The following RYR3 variants were observed in gnomAD, a reference collection of about 807,000 sequenced individuals.
RYR3 encodes brain ryanodine receptor-calcium release channel.
Under a neutral mutation model 584.3 loss-of-function variants are expected in RYR3, and 207 were observed. The ratio of observed to expected loss-of-function variants is 0.35; its 90% confidence interval spans 0.32 to 0.40. The LOEUF (loss-of-function observed/expected upper bound fraction) is 0.40. Among genes scored for constraint, RYR3 ranks in the 10% least tolerant of loss-of-function variants. The pLI is 1.00. For missense variants in RYR3, 5,616 were observed against 6,089.2 expected (o/e 0.92, Z 2.59); for synonymous variants, 2,416 against 2,248.5 (o/e 1.07, Z -2.11).
rs8039814 is a variant in RYR3, at chr15:33,574,264, G to A, written c.1269-5712G>A. 4.0e-3 allele frequency among the ~76,000 whole-genome samples: 613 copies of A among 152,168 alleles called. 4 individuals are homozygous for A. Among genetic ancestry groups the A allele is most frequent in the African/African-American group, 0.014 (571 of 41,512 alleles). The stretch of plus-strand genomic sequence containing the variant: ...TAAAGAATTATTCTTGACCACCCTC[G>A]GTGTTTCTAGTAAAATGAAAGTGTT... On this transcript the variant is annotated intron_variant, in intron 12 of 103. Coordinates refer to ENST00000634891, the MANE Select transcript of RYR3 (RefSeq NM_001036.6).
rs1490642592 is a variant in RYR3 at position 33,425,664 on chromosome 15, T to C, written c.52-47755T>C. On this transcript the variant is annotated intron_variant, in intron 1 of 103. Coordinates refer to ENST00000634891, the MANE Select transcript of RYR3 (RefSeq NM_001036.6). Reference sequence around the variant, plus strand: ...TTTTTTTTTTTTTTTTTTTTTGAGATGGAGTCTCGCTCTGTGGCCCAGGCT... The same window carrying C: ...TTTTTTTTTTTTTTTTTTTTTGAGACGGAGTCTCGCTCTGTGGCCCAGGCT... 1.1e-4 allele frequency among the ~76,000 whole-genome samples: 14 copies of C among 124,360 alleles called. No individual in the cohort carries two copies. In the East Asian group the frequency reaches 2.6e-3, roughly 23 times the overall value. The allele number at this position is 124,360 out of a possible 152,430, so 81.6% of individuals were successfully genotyped here.
In RYR3 at chr15:33,742,374, T is replaced by G; in HGVS notation, c.7829T>G (p.Leu2610Trp). The G allele has an allele frequency of 6.2e-7, 1 of 1,611,562 alleles. No homozygotes were observed. The highest frequency in any genetic ancestry group is 8.5e-7 in the Non-Finnish European group (1 of 1,177,684). ...PKPINTMNFS[L>W]PEKLEYIVTK... ...TTTTCCTCATTTCACAGTTTTTCCTTGCCTGAAAAATTGGAATACATCGTC... is the reference window on the plus strand; with the variant it reads ...TTTTCCTCATTTCACAGTTTTTCCTGGCCTGAAAAATTGGAATACATCGTC... Residue 2610 changes from leucine to tryptophan, a missense_variant, in exon 52 of 104, where the codon TTG (leucine) becomes TGG (tryptophan). Around this residue, in one of 9 missense-constraint regions of RYR3, gnomAD observed 1,280 missense variants for 1,426.2 expected, o/e 0.90. Coordinates refer to ENST00000634891, the MANE Select transcript of RYR3 (RefSeq NM_001036.6).
chr15:33,852,341 C>G (rs895358530), intron 94 of RYR3: 1 of 152,058 alleles, frequency 6.6e-6, no homozygotes, highest in Admixed American at 6.6e-5. Context: ...TCTTTCTTAA[C>G]TTTAACAGTA....
chr15:33,686,607 G>C (rs2065026512), intron 38 of RYR3, among the ~76,000 whole-genome samples: 1 of 152,104 alleles, frequency 6.6e-6, no homozygotes, highest in African/African-American at 2.4e-5. Context: ...ACCAAAGCCT[G>C]GCAGAGACAC....
chr15:33,827,783 C>T (rs981765405), intron 85 of RYR3, among the ~76,000 whole-genome samples: 1 of 152,210 alleles, frequency 6.6e-6, no homozygotes, highest in South Asian at 2.1e-4. Context: ...GATTCCTCAT[C>T]CTGGTTCTGC....
chr15:33,573,457 T>A (rs1471092188), intron 12 of RYR3, among the ~76,000 whole-genome samples: 1 of 152,132 alleles, frequency 6.6e-6, no homozygotes, highest in African/African-American at 2.4e-5. Context: ...AGGTTAAAAT[T>A]TCATCATGCT....
At chr15:33,405,073 T>C (rs1365839188) in intron 1 of RYR3, among the ~76,000 whole-genome samples, 4 of 152,196 alleles carry the variant, frequency 2.6e-5, no homozygotes, top group Admixed American at 6.5e-5. Context: ...AAATCCCCCA[T>C]GAGATAATGT....
intron 1 of RYR3, among the ~76,000 whole-genome samples, chr15:33,442,344 C>A (rs191197143): frequency 6.6e-6 from 1 of 152,256 alleles, no homozygotes; most frequent in East Asian, 1.9e-4. Context: ...CTTTGATGTT[C>A]TCTGGGAACT....
intron 9 of RYR3, among the ~76,000 whole-genome samples, chr15:33,548,720 G>T (rs1217534835): frequency 6.6e-6 from 1 of 152,188 alleles, no homozygotes; most frequent in South Asian, 2.1e-4. Flanking sequence ...GGAACAGGAG[G>T]CTGAGACTTT....
Position 33,768,662 on chromosome 15 carries a change from T to C in RYR3, c.8710T>C (p.Phe2904Leu). Reference protein sequence around the residue: ...HKEKEMVAGLFCKLAALVRHR... With the variant: ...HKEKEMVAGLLCKLAALVRHR... ...TTGCTTTCTTTTCTGCTTCAGCCTG[T>C]TCTGCAAACTTGCCGCTCTCGTTAG... Residue 2904 changes from phenylalanine (F) to leucine (L), a missense_variant, in exon 61 of 104, where the codon TTC becomes CTC. Phe to Leu is a conservative substitution (Grantham distance 22). Around this residue, in one of 9 missense-constraint regions of RYR3, gnomAD observed 1,280 missense variants for 1,426.2 expected, o/e 0.90. Transcript: ENST00000634891. The C allele has an allele frequency of 6.2e-7, 1 of 1,613,992 alleles. No individual in the cohort carries two copies. The highest frequency in any genetic ancestry group is 8.5e-7 in the Non-Finnish European group (1 of 1,179,854).
chr15:33,584,430 C>A lies in RYR3; in HGVS notation c.1609C>A (p.Gln537Lys), dbSNP rs2058742303. Residue 537 changes from glutamine (Q) to lysine (K), a missense_variant, in exon 15 of 104, where the codon CAA becomes AAA. Coordinates refer to ENST00000634891, the MANE Select transcript of RYR3 (RefSeq NM_001036.6). ...TCGCGGAAACAGAAACAATTGCGCT[C>A]AATTCTCCAATAACCTTGATTGGCT... ...LIRGNRNNCA[Q>K]FSNNLDWLIS... 3 of 1,608,924 alleles carry A rather than the reference C, an allele frequency of 1.9e-6. No individual in the cohort carries two copies. Among genetic ancestry groups the A allele is most frequent in the African/African-American group, 1.3e-5 (1 of 74,894 alleles).
chr15:33,658,277 G>T (rs2062939485), intron 32 of RYR3, among the ~76,000 whole-genome samples: 2 of 152,184 alleles, frequency 1.3e-5, no homozygotes, highest in East Asian at 3.8e-4. Flanking sequence ...CTGAGGTCCT[G>T]TTTTCATGCT....
chr15:33,385,004 C>T (rs1164436444), intron 1 of RYR3, among the ~76,000 whole-genome samples: 1 of 152,176 alleles, frequency 6.6e-6, no homozygotes, highest in African/African-American at 2.4e-5. Flanking sequence ...TTTTTCCCTT[C>T]CACCCTTAGA....
At chr15:33,664,614 T>TATATATATATATAC (rs1491296584) in intron 36 of RYR3, among the ~76,000 whole-genome samples, 6,125 of 119,482 alleles carry the variant, frequency 0.051, 309 homozygotes, top group Admixed American at 0.093. Flanking sequence ...TATATATATA[T>TATATATATATATAC]ACGTATGTAT....
intron 102 of RYR3, among the ~76,000 whole-genome samples, chr15:33,863,664 C>CTA (rs1314359287): frequency 6.6e-6 from 1 of 152,036 alleles, no homozygotes; most frequent in African/African-American, 2.4e-5. Flanking sequence ...GAAAACAAAA[C>CTA]TATAGTTCTG....
intron 36 of RYR3, among the ~76,000 whole-genome samples, chr15:33,666,047 C>T (rs2063477565): frequency 1.3e-5 from 2 of 152,166 alleles, no homozygotes; most frequent in African/African-American, 4.8e-5. Flanking sequence ...CTCTGTCATG[C>T]AGGCTGGGAT....
At chr15:33,589,909 C>A (rs1324673068) in intron 16 of RYR3, among the ~76,000 whole-genome samples, 4 of 152,026 alleles carry the variant, frequency 2.6e-5, no homozygotes, top group Admixed American at 2.0e-4. Context: ...CATGTGTGTC[C>A]GTGTGAAGAG....
intron 16 of RYR3, among the ~76,000 whole-genome samples, chr15:33,591,201 C>T (rs2059114120): frequency 1.3e-5 from 2 of 152,220 alleles, no homozygotes; most frequent in South Asian, 4.1e-4. Flanking sequence ...CTTGTCTGCT[C>T]TTTAAAACTT....
intron 27 of RYR3, among the ~76,000 whole-genome samples, chr15:33,640,546 G>T (rs944603396): frequency 6.6e-6 from 1 of 152,132 alleles, no homozygotes; most frequent in African/African-American, 2.4e-5. Context: ...GTTTAAAATG[G>T]ATTGAAAGTG....
Sources: gnomAD v4.1 joint callset for allele counts (sites outside exome capture counted in the v4.1 genomes callset) on GRCh38, gnomAD v4.1.1 for gene constraint, gnomAD v4.1.1 regional missense constraint, MANE v1.5 for transcripts, NCBI Gene and HGNC (gene_info 2026-07-23, HGNC 2026-07-21) for gene names.